The following LILRB4 variants were observed in gnomAD, a reference collection of about 807,000 sequenced individuals.
LILRB4 encodes the protein leukocyte immunoglobulin-like receptor subfamily B member 4.
A neutral mutation model predicts 55.2 loss-of-function variants in LILRB4; 49 were observed. That is an observed-to-expected ratio of 0.89 (90% CI 0.71 to 1.13). The LOEUF is 1.13. LILRB4 is among the 50% of genes most tolerant of loss of function. The probability of loss-of-function intolerance (pLI) is 0.00; values close to 1 mark genes in which losing one functional copy is unlikely to be tolerated. For missense variants in LILRB4, 590 were observed against 555.2 expected (o/e 1.06, Z -0.63); for synonymous variants, 229 against 213.8 (o/e 1.07, Z -0.62).
intron 4 of LILRB4, 135 bp from the exon 5 acceptor site, chr19:54,664,664 G>A (rs1019518582): frequency 1.0e-6 from 1 of 975,774 alleles, no homozygotes; most frequent in Non-Finnish European, 1.5e-6. Flanking sequence ...CCCTCACCTA[G>A]GGTCCAGAAG....
At position 54,667,802 on chromosome 19, in the gene LILRB4, T is replaced by C; in HGVS notation, c.1197+9T>C. On this transcript the variant is annotated intron_variant, in intron 11 of 11. Transcript: ENST00000430952. ...GACAGATGGACACTGAGGTGAGTCC[T>C]TTCCTCTCCAGGCCCCCAGGCCTCC... The C allele has an allele frequency of 6.2e-7, 1 of 1,610,826 alleles. No homozygotes were observed. Among genetic ancestry groups the C allele is most frequent in the Non-Finnish European group, 8.5e-7 (1 of 1,179,102 alleles).
In LILRB4 at chr19:54,665,508, G is replaced by A. The variant is rs142786048; in HGVS notation, c.758-307G>A. 6.5e-3 allele frequency among the ~76,000 whole-genome samples: 989 copies of A among 152,148 alleles called. 6 individuals carry two copies. The highest frequency in any genetic ancestry group is 8.9e-3 in the Non-Finnish European group (607 of 67,974). On this transcript the variant is annotated intron_variant, in intron 6 of 11. Coordinates refer to ENST00000430952, the Ensembl canonical transcript of LILRB4. The surrounding 1 kb of genome is among the most constrained non-coding windows in gnomAD (Gnocchi z 5.5). ...CAGGGCGGTGGTTCAAGACAGTCAG[G>A]CTCTTTCCCTGCAACTCTGGGGCTT...
chr19:54,664,652 C>G (rs761862415), intron 4 of LILRB4, 147 bp from the exon 5 acceptor site: 122 of 971,838 alleles, frequency 1.3e-4, no homozygotes, highest in Non-Finnish European at 1.7e-4. Context: ...CCATGCTCTT[C>G]TCCCTCACCT....
In LILRB4 at chr19:54,666,932, C is replaced by T. The variant is rs2065299304; in HGVS notation, c.1041+183C>T. 5.1e-5 allele frequency: 39 copies of T among 758,236 alleles called. No homozygotes were observed. In the South Asian group the frequency reaches 5.2e-4, roughly 10 times the overall value. The allele number at this position is 758,236 out of a possible 1,614,324, so 47.0% of individuals were successfully genotyped here. On this transcript the variant is annotated intron_variant, in intron 10 of 11. Transcript: ENST00000430952. The surrounding 1 kb of genome is among the most constrained non-coding windows in gnomAD (Gnocchi z 4.8). ...TCCTGCTGTCCTGGGACCTCATGGGCCTCCTCCCGGGTCCCCTTCCTGCTC... is the reference window on the plus strand; with the variant it reads ...TCCTGCTGTCCTGGGACCTCATGGGTCTCCTCCCGGGTCCCCTTCCTGCTC...
Sources: gnomAD v4.1 joint callset for allele counts (sites outside exome capture counted in the v4.1 genomes callset) on GRCh38, gnomAD v4.1.1 for gene constraint, Gnocchi (gnomAD v3.1) non-coding constraint, MANE v1.5 for transcripts, NCBI Gene and HGNC (gene_info 2026-07-23, HGNC 2026-07-21) for gene names.